CHD9: variants seen among roughly 807,000 people sequenced by gnomAD.
CHD9 encodes chromodomain helicase DNA binding protein 9.
Under a neutral mutation model 316.1 loss-of-function variants are expected in CHD9, and 77 were observed. The observed-to-expected ratio is 0.24, with a 90% CI of 0.20 to 0.29. CHD9 has a LOEUF of 0.29. Ranked by LOEUF, CHD9 falls within the 10% of genes least tolerant of loss-of-function variation. The pLI, the probability that CHD9 is intolerant of heterozygous loss-of-function variation, is 1.00. For synonymous variants in CHD9, 1,129 were observed against 1,158.3 expected (o/e 0.97, Z 0.51); for missense variants, 2,763 against 3,438.1 (o/e 0.80, Z 4.91).
chr16:53,306,248 C>A lies in CHD9; in HGVS notation c.6631C>A (p.His2211Asn). The A allele has an allele frequency of 6.4e-7, 1 of 1,554,712 alleles. No individual in the cohort carries two copies. Reference protein sequence around the residue: ...EEAQKRESTTHMKAYDEESVA... With the variant: ...EEAQKRESTTNMKAYDEESVA... ...ATTGTTTTTAGCAGAAAGTACTACT[C>A]ACATGAAAGCCTATGATGAAGAAAG... Residue 2211 changes from histidine to asparagine, a missense_variant, in exon 32 of 39, where the codon CAC (histidine) becomes AAC (asparagine). His to Asn is a moderately conservative substitution (Grantham distance 68, BLOSUM62 1). This residue lies in a region of CHD9 where 663 missense variants were observed against 751.2 expected (regional missense o/e 0.88). Coordinates refer to ENST00000447540, the MANE Select transcript of CHD9 (RefSeq NM_001308319.2).
At position 53,304,329 on chromosome 16, in the gene CHD9, G is replaced by A. The variant is rs1356703302; in HGVS notation, c.6323G>A (p.Arg2108Lys). Residue 2108 changes from arginine to lysine, a missense_variant, in exon 31 of 39, where the codon AGA becomes AAA. By Grantham distance (26) the Arg-to-Lys change is conservative. This residue lies in a region of CHD9 where 663 missense variants were observed against 751.2 expected (regional missense o/e 0.88). Coordinates refer to ENST00000447540, the MANE Select transcript of CHD9 (RefSeq NM_001308319.2). ...ACAGACAGACGCATGGTTGCAGCCA[G>A]AACAGAACCCCTAACTCCAAACCCA... ...CETDRRMVAA[R>K]TEPLTPNPAS... The A allele has an allele frequency of 6.2e-7, 1 of 1,612,648 alleles. No individual in the cohort carries two copies. Among genetic ancestry groups the A allele is most frequent in the Non-Finnish European group, 8.5e-7 (1 of 1,179,804 alleles).
chr16:53,059,577 A>G (rs953089368), intron 1 of CHD9, among the ~76,000 whole-genome samples: 1 of 152,234 alleles, frequency 6.6e-6, no homozygotes, highest in Non-Finnish European at 1.5e-5. Context: ...AGATGTGGCA[A>G]AAGGAAATGT....
At chr16:53,177,963 G>A (rs988850756) in intron 2 of CHD9, among the ~76,000 whole-genome samples, 1 of 152,144 alleles carries the variant, frequency 6.6e-6, no homozygotes, top group Non-Finnish European at 1.5e-5. Flanking sequence ...GTATGTAAGT[G>A]CCATCTTTTT....
At chr16:53,204,822 T>C (rs2045769830) in intron 2 of CHD9, among the ~76,000 whole-genome samples, 2 of 152,142 alleles carry the variant, frequency 1.3e-5, no homozygotes, top group African/African-American at 4.8e-5. Flanking sequence ...GTGCCTTTTA[T>C]GTATTTTTTT....
intron 2 of CHD9, among the ~76,000 whole-genome samples, chr16:53,170,049 G>GTT (rs1402669050): frequency 4.2e-4 from 54 of 127,644 alleles, no homozygotes; most frequent in African/African-American, 6.9e-4. Context: ...GTTTTTTTTT[G>GTT]TTTTTTTTTG....
At chr16:53,319,372 G>T (rs117284662) in intron 37 of CHD9, among the ~76,000 whole-genome samples, 60 of 152,222 alleles carry the variant, frequency 3.9e-4, no homozygotes, top group African/African-American at 1.4e-3. Flanking sequence ...AAGAAATATT[G>T]GAATTAGAAG....
At chr16:53,196,112 T>C (rs149848608) in intron 2 of CHD9, among the ~76,000 whole-genome samples, 110 of 152,302 alleles carry the variant, frequency 7.2e-4, no homozygotes, top group African/African-American at 2.6e-3. Context: ...AAAACTATAG[T>C]ACAGTATCAC....
chr16:53,069,682 A>T (rs2033838378), intron 1 of CHD9, among the ~76,000 whole-genome samples: 1 of 152,212 alleles, frequency 6.6e-6, no homozygotes, highest in Non-Finnish European at 1.5e-5. Context: ...TATTGTGAAT[A>T]ACACTGCTAT....
chr16:53,070,566 T>A (rs1302047683), intron 1 of CHD9, among the ~76,000 whole-genome samples: 1 of 151,766 alleles, frequency 6.6e-6, no homozygotes, highest in Non-Finnish European at 1.5e-5. Flanking sequence ...TCTTTCTGTC[T>A]TTCTTTTTTT....
rs578256663 is a variant in CHD9, at chr16:53,176,175, A to C, written c.1452+18634A>C. On this transcript the variant is annotated intron_variant, in intron 2 of 38. Transcript: ENST00000447540. ...CAATAGGGTTGCAGTCCTTTCTAGAAGCTCTAGGGGATGATCAATTTTCTT... is the reference window on the plus strand; with the variant it reads ...CAATAGGGTTGCAGTCCTTTCTAGACGCTCTAGGGGATGATCAATTTTCTT... Among the ~76,000 whole-genome samples, 3 of 152,340 alleles carry C rather than the reference A, an allele frequency of 2.0e-5. No individual in the cohort carries two copies. In the East Asian group the frequency reaches 5.8e-4, roughly 29 times the overall value.
intron 1 of CHD9, among the ~76,000 whole-genome samples, chr16:53,086,130 C>T (rs184037170): frequency 2.0e-5 from 3 of 152,098 alleles, no homozygotes; most frequent in African/African-American, 4.8e-5. Flanking sequence ...TTCAAGGGGA[C>T]GTGCGGAAAT....
At chr16:53,178,593 C>A (rs746031837) in intron 2 of CHD9, among the ~76,000 whole-genome samples, 3 of 151,808 alleles carry the variant, frequency 2.0e-5, no homozygotes, top group Non-Finnish European at 4.4e-5. Flanking sequence ...TGGGATCTCC[C>A]AGTTAGCTGG....
chr16:53,173,257 T>A (rs1428546351), intron 2 of CHD9, among the ~76,000 whole-genome samples: 1 of 152,132 alleles, frequency 6.6e-6, no homozygotes, highest in East Asian at 1.9e-4. Context: ...TTTGAGTGAG[T>A]TTTTGGTAGT....
Position 53,157,360 on chromosome 16 carries a change from G to T in CHD9, c.1271G>T (p.Gly424Val). Residue 424 changes from glycine (G) to valine (V), a missense_variant, in exon 2 of 39, where the codon GGA (glycine) becomes GTA (valine). Gly to Val is a moderately radical substitution (Grantham distance 109). This residue lies in a region of CHD9 where 859 missense variants were observed against 890.4 expected (regional missense o/e 0.96). Coordinates refer to ENST00000447540, the MANE Select transcript of CHD9 (RefSeq NM_001308319.2). Reference sequence around the variant, plus strand: ...CCTCACTTTGATGAGTCAACATTCGGACAAGATAATTCAAGTCACATTTTA... The same window carrying T: ...CCTCACTTTGATGAGTCAACATTCGTACAAGATAATTCAAGTCACATTTTA... Reference protein sequence around the residue: ...LLPHFDESTFGQDNSSHILDH... With the variant: ...LLPHFDESTFVQDNSSHILDH... 1.2e-6 allele frequency: 2 copies of T among 1,613,992 alleles called. No homozygotes were observed. Among genetic ancestry groups the T allele is most frequent in the Non-Finnish European group, 1.7e-6 (2 of 1,179,880 alleles).
At chr16:53,141,433 T>TA (rs991065122) in intron 1 of CHD9, among the ~76,000 whole-genome samples, 5 of 152,220 alleles carry the variant, frequency 3.3e-5, no homozygotes, top group Admixed American at 2.6e-4. Flanking sequence ...ACTGGGGCTT[T>TA]AAAAAAATTG....
chr16:53,322,677 T>TGG (rs2153118910), intron 38 of CHD9, among the ~76,000 whole-genome samples: 1 of 152,160 alleles, frequency 6.6e-6, no homozygotes, highest in South Asian at 2.1e-4. Context: ...TTTAAGCTCT[T>TGG]GGGATAGTAA....
intron 2 of CHD9, among the ~76,000 whole-genome samples, chr16:53,184,190 C>G (rs1175559633): frequency 6.6e-6 from 1 of 152,122 alleles, no homozygotes; most frequent in African/African-American, 2.4e-5. Context: ...GTGATCCTGG[C>G]TAATATTTTT....
At chr16:53,118,601 G>T (rs936020128) in intron 1 of CHD9, among the ~76,000 whole-genome samples, 1 of 151,914 alleles carries the variant, frequency 6.6e-6, no homozygotes. Flanking sequence ...TAATTTTCCT[G>T]GTTGGCATGT....
At chr16:53,250,335 T>C (rs1319420262) in intron 17 of CHD9, 1 of 337,594 alleles carries the variant, frequency 3.0e-6, no homozygotes, top group Non-Finnish European at 5.4e-6. Context: ...ACAGTACTTT[T>C]TGTTTGTTTA....
Sources: allele counts gnomAD v4.1 joint callset (sites outside exome capture counted in the v4.1 genomes callset), GRCh38; gene constraint gnomAD v4.1.1; regional missense constraint gnomAD v4.1.1; transcripts MANE v1.5; gene names NCBI Gene and HGNC (gene_info 2026-07-23, HGNC 2026-07-21).